The following CCDC187 variants were observed in gnomAD, a reference collection of about 807,000 sequenced individuals.
CCDC187 encodes the protein coiled-coil domain containing 187, also known as coiled-coil domain-containing protein 187.
CCDC187 carries 32 observed loss-of-function variants against 38.0 expected under a neutral mutation model. The observed-to-expected ratio is 0.84, with a 90% confidence interval of 0.64 to 1.13. The LOEUF (loss-of-function observed/expected upper bound fraction) is 1.13, where lower values mean the gene tolerates loss of function less well. Among genes scored for constraint, CCDC187 ranks in the 50% most tolerant of loss-of-function variants. CCDC187 has a pLI of 0.00. For synonymous variants in CCDC187, 333 were observed against 347.9 expected (o/e 0.96, Z 0.48); for missense variants, 707 against 786.8 (o/e 0.90, Z 1.21).
intron 17 of CCDC187, 78 bp downstream of exon 17, chr9:136,265,878 C>T (rs1554761549): frequency 2.7e-6 from 2 of 736,186 alleles, no homozygotes; most frequent in East Asian, 2.6e-4. Context: ...GGGGAATGTT[C>T]AGATTCCAGG....
chr9:136,293,258 C>T (rs1428400892), intron 4 of CCDC187, among the ~76,000 whole-genome samples: 1 of 149,184 alleles, frequency 6.7e-6, no homozygotes, highest in African/African-American at 2.5e-5. Flanking sequence ...TGCTTACACA[C>T]TCACTCATGC....
Position 136,300,300 on chromosome 9 carries a change from G to A in CCDC187, c.644C>T (p.Ala215Val). ...PECSGFSILS[A>V]AERRVEAKAS... is the part of the protein sequence containing the mutation. Reference sequence around the variant, plus strand: ...CTTGGCTTCAACTCTGCGCTCAGCTGCACTCAAGATGCTGAAACCTGGAAC... The same window carrying A: ...CTTGGCTTCAACTCTGCGCTCAGCTACACTCAAGATGCTGAAACCTGGAAC... Residue 215 changes from alanine (A) to valine (V), a missense_variant, in exon 3 of 26, where the codon GCA becomes GTA. Transcript: ENST00000638797. 2.5e-6 allele frequency: 1 copy of A among 398,684 alleles called. No homozygotes were observed. Among genetic ancestry groups the A allele is most frequent in the Non-Finnish European group, 4.4e-6 (1 of 226,080 alleles). 24.7% of individuals were successfully genotyped at this position (398,684 alleles called of 1,614,324 possible). A position where few individuals can be genotyped will look rare whatever the true frequency, so the allele number is the denominator to read the frequency against.
chr9:136,294,459 G>A (rs1423832898), intron 4 of CCDC187, among the ~76,000 whole-genome samples: 1 of 152,214 alleles, frequency 6.6e-6, no homozygotes, highest in African/African-American at 2.4e-5. Flanking sequence ...CCACCCCGTG[G>A]CCTGGGGTCA....
chr9:136,276,422 C>T (rs1445595304), intron 11 of CCDC187, 121 bp from the exon 12 acceptor site: 2 of 152,262 alleles, frequency 1.3e-5, no homozygotes, highest in East Asian at 1.9e-4. Context: ...TCCAGCCCCC[C>T]GACTTTCTCT....
At chr9:136,278,792 A>G (rs1830982345) in intron 10 of CCDC187, among the ~76,000 whole-genome samples, 1 of 152,266 alleles carries the variant, frequency 6.6e-6, no homozygotes, top group African/African-American at 2.4e-5. Flanking sequence ...CACCGTTTAC[A>G]TTTAAACTTA....
At chr9:136,301,504 A>T in intron 2 of CCDC187, among the ~76,000 whole-genome samples, 1 of 152,066 alleles carries the variant, frequency 6.6e-6, no homozygotes. Flanking sequence ...TGGTGGCTGC[A>T]GGACCGTGAA....
chr9:136,294,741 A>C (rs1051502944), intron 4 of CCDC187, among the ~76,000 whole-genome samples: 3 of 152,080 alleles, frequency 2.0e-5, no homozygotes, highest in Non-Finnish European at 4.4e-5. Flanking sequence ...TGCCCTCCCA[A>C]AGCCACGTCC....
chr9:136,296,135 A>C, intron 4 of CCDC187: 1 of 152,254 alleles, frequency 6.6e-6, no homozygotes, highest in East Asian at 1.9e-4. Context: ...ATGCTTAGGC[A>C]CCTGGGCACG....
intron 10 of CCDC187, among the ~76,000 whole-genome samples, chr9:136,278,058 C>G (rs962313050): frequency 4.6e-5 from 7 of 152,200 alleles, no homozygotes; most frequent in South Asian, 2.1e-4. Flanking sequence ...GGGTCACCCC[C>G]GTGGCCCCCA....
chr9:136,293,268 C>G (rs1831396067), intron 4 of CCDC187, among the ~76,000 whole-genome samples: 1 of 150,622 alleles, frequency 6.6e-6, no homozygotes, highest in Non-Finnish European at 1.5e-5. Flanking sequence ...CTCACTCATG[C>G]TTTCACACTA....
chr9:136,266,458 C>G (rs934981291), intron 16 of CCDC187: 6 of 152,246 alleles, frequency 3.9e-5, no homozygotes, highest in African/African-American at 1.4e-4. Context: ...CTGGAATCAC[C>G]TTTCTGGAGA....
At chr9:136,282,009 G>A (rs1420534275) in intron 9 of CCDC187, among the ~76,000 whole-genome samples, 8 of 152,202 alleles carry the variant, frequency 5.3e-5, no homozygotes, top group African/African-American at 1.4e-4. Context: ...CTCTGCACTC[G>A]GACCCCAGGG....
In CCDC187 at chr9:136,297,207, G is replaced by A. The variant is rs1219308711; in HGVS notation, c.832+507C>T. Among the ~76,000 whole-genome samples, 9 of 151,604 alleles carry A rather than the reference G, an allele frequency of 5.9e-5. No homozygotes were observed. The South Asian group carries it at 8.4e-4, about 14-fold the overall frequency. On this transcript the variant is annotated intron_variant, in intron 4 of 25. Transcript: ENST00000638797. ...GTAGGCTGTGGGTGCCGTGAGTTGC[G>A]GGTGCCATGGGCTGTGGGTGTCCTG...
chr9:136,254,515 T>C lies in CCDC187; in HGVS notation c.5313A>G (p.Pro1771=), dbSNP rs1238647726. The C allele has an allele frequency of 1.0e-6, 1 of 985,424 alleles. No individual in the cohort carries two copies. Among genetic ancestry groups the C allele is most frequent in the Non-Finnish European group, 1.2e-6 (1 of 829,998 alleles). 61.0% of individuals were successfully genotyped at this position (985,424 alleles called of 1,614,324 possible). A position where few individuals can be genotyped will look rare whatever the true frequency, so the allele number is the denominator to read the frequency against. The change falls in exon 26 of 26, where the codon CCA becomes CCG. Residue 1771 remains proline (P), a synonymous_variant. Coordinates refer to ENST00000638797, the MANE Select transcript of CCDC187 (RefSeq NM_001378188.1). ...VWEEDCEEDL[P]EPCTGAKPAS... ...CTGGCTTGGCCCCGGTACAGGGTTC[T>C]GGCAGGTCCTCCTCGCAGTCCTCCT... is the stretch of plus-strand genomic sequence containing the variant.
chr9:136,279,195 G>A (rs1404002808), intron 10 of CCDC187, among the ~76,000 whole-genome samples: 1 of 152,106 alleles, frequency 6.6e-6, no homozygotes, highest in African/African-American at 2.4e-5. Context: ...CCATTGGACA[G>A]CTCTGGTCTG....
intron 14 of CCDC187, among the ~76,000 whole-genome samples, chr9:136,272,438 C>A (rs782163758): frequency 1.3e-5 from 2 of 152,058 alleles, no homozygotes; most frequent in African/African-American, 2.4e-5. Context: ...CGTGGTGGCT[C>A]ACGCCTGTAA....
At chr9:136,285,893 C>A (rs1157332534) in intron 8 of CCDC187, among the ~76,000 whole-genome samples, 192 bp downstream of exon 8, 2 of 152,206 alleles carry the variant, frequency 1.3e-5, no homozygotes, top group African/African-American at 4.8e-5. Context: ...CAAGGATGAG[C>A]CCACACACAC....
At position 136,276,738 on chromosome 9, in the gene CCDC187, A is replaced by T. The variant is rs1412455505; in HGVS notation, c.3041-11T>A. ...GGTCCTCCTGCTGACCTGTGGAACC[A>T]TGGAGGGGGATAGCTGAGTGGCCCA... On this transcript the variant is annotated splice_polypyrimidine_tract_variant and intron_variant, in intron 10 of 25. Coordinates refer to ENST00000638797, the MANE Select transcript of CCDC187 (RefSeq NM_001378188.1). 6 of 152,212 alleles carry T rather than the reference A, an allele frequency of 3.9e-5. No individual in the cohort carries two copies. The highest frequency in any genetic ancestry group is 3.9e-4 in the Admixed American group (6 of 15,270). 9.4% of individuals were successfully genotyped at this position (152,212 alleles called of 1,614,324 possible).
At chr9:136,293,356 C>A (rs1440583523) in intron 4 of CCDC187, among the ~76,000 whole-genome samples, 7 of 143,498 alleles carry the variant, frequency 4.9e-5, no homozygotes, top group Non-Finnish European at 7.7e-5. Flanking sequence ...CATGCTCACA[C>A]ACATTCACAT....
Sources: allele counts gnomAD v4.1 joint callset (sites outside exome capture counted in the v4.1 genomes callset), GRCh38; gene constraint gnomAD v4.1.1; transcripts MANE v1.5; gene names NCBI Gene and HGNC (gene_info 2026-07-23, HGNC 2026-07-21).